GPRIN3: variants seen among roughly 807,000 people sequenced by gnomAD.
GPRIN3 encodes G protein-regulated inducer of neurite outgrowth 3.
A neutral mutation model predicts 13.7 loss-of-function variants in GPRIN3; 12 were observed. That is an observed-to-expected ratio of 0.87 (90% confidence interval 0.56 to 1.42). The LOEUF (loss-of-function observed/expected upper bound fraction) is 1.42, where lower values mean the gene tolerates loss of function less well. Ranked by LOEUF, GPRIN3 falls within the 40% of genes most tolerant of loss-of-function variation. The pLI is 0.00. For missense variants in GPRIN3, 1,009 were observed against 958.7 expected (o/e 1.05, Z -0.69); for synonymous variants, 377 against 372.7 (o/e 1.01, Z -0.13).
At chr4:89,292,908 A>G (rs771562309) in intron 1 of GPRIN3, among the ~76,000 whole-genome samples, 3 of 152,222 alleles carry the variant, frequency 2.0e-5, no homozygotes, top group Non-Finnish European at 4.4e-5. Context: ...TAAGTTTGTC[A>G]CTACATCAAC....
In GPRIN3 at chr4:89,249,029, A is replaced by G; in HGVS notation, c.1082T>C (p.Ile361Thr). The change falls in exon 2 of 2, where the codon ATT becomes ACT. Residue 361 changes from isoleucine to threonine, a missense_variant. Coordinates refer to ENST00000609438, the MANE Select transcript of GPRIN3 (RefSeq NM_198281.3). ...TGTGTGGCTCCCACTGCTGTGGCAA[A>G]TGACACGCAGCTGCTCTTGTTCAAA... ...EHFEQEQLRV[I>T]CHSSGSHTLE... The G allele has an allele frequency of 6.2e-7, 1 of 1,614,148 alleles. No individual in the cohort carries two copies. The highest frequency in any genetic ancestry group is 8.5e-7 in the Non-Finnish European group (1 of 1,180,006).
intron 1 of GPRIN3, among the ~76,000 whole-genome samples, chr4:89,291,778 T>C (rs1724577421): frequency 6.6e-6 from 1 of 151,568 alleles, no homozygotes; most frequent in Non-Finnish European, 1.5e-5. Flanking sequence ...ACTAGTAACA[T>C]AGTAGCGTTC....
intron 1 of GPRIN3, among the ~76,000 whole-genome samples, chr4:89,284,573 A>G (rs1246905400): frequency 6.6e-6 from 1 of 152,172 alleles, no homozygotes; most frequent in Non-Finnish European, 1.5e-5. Flanking sequence ...AATATTAGTG[A>G]TTATGGTAGT....
In GPRIN3 at chr4:89,245,384, G is replaced by A. The variant is rs558821865; in HGVS notation, c.*2396C>T. ...AACAAATTTTCTTAAAGTTTTGATA[G>A]ACATAACCACAATAGCAAATCTAGC... On this transcript the variant is annotated 3_prime_UTR_variant, in exon 2 of 2. Transcript: ENST00000609438. 1 of 152,308 alleles carries A rather than the reference G, an allele frequency of 6.6e-6. No individual in the cohort carries two copies. Among genetic ancestry groups the A allele is most frequent in the East Asian group, 1.9e-4 (1 of 5,188 alleles). The allele number at this position is 152,308 out of a possible 1,614,324, so 9.4% of individuals were successfully genotyped here.
At chr4:89,291,475 C>T (rs925318586) in intron 1 of GPRIN3, among the ~76,000 whole-genome samples, 16 of 152,178 alleles carry the variant, frequency 1.1e-4, no homozygotes, top group Admixed American at 2.0e-4. Flanking sequence ...ATGTACTTGA[C>T]GTTCATCCCT....
In GPRIN3 at chr4:89,281,063, G is replaced by GT. The variant is rs200221939; in HGVS notation, c.-124+26551_-124+26552insA. The stretch of plus-strand genomic sequence containing the variant: ...CAGTCATGTTGGAAGGTGAAGGGGG[G>GT]GGATAAGCACATCACATAGCCAGAG... On this transcript the variant is annotated intron_variant, in intron 1 of 1. Transcript: ENST00000609438. 6.0e-3 allele frequency among the ~76,000 whole-genome samples: 906 copies of GT among 152,060 alleles called. 9 individuals are homozygous for GT. Among genetic ancestry groups the GT allele is most frequent in the African/African-American group, 0.021 (851 of 41,450 alleles).
In GPRIN3 at chr4:89,250,133, C is replaced by T. The variant is rs1402640533; in HGVS notation, c.-23G>A. Reference sequence around the variant, plus strand: ...CATGGAATTTCTCTTCAGGAGCACTCCAGAGCTCTCTTGAGTACTGGTCCC... The same window carrying T: ...CATGGAATTTCTCTTCAGGAGCACTTCAGAGCTCTCTTGAGTACTGGTCCC... On this transcript the variant is annotated 5_prime_UTR_variant, in exon 2 of 2. Transcript: ENST00000609438. 9 of 1,596,714 alleles carry T rather than the reference C, an allele frequency of 5.6e-6. No individual in the cohort carries two copies. The highest frequency in any genetic ancestry group is 7.7e-6 in the Non-Finnish European group (9 of 1,171,070).
At chr4:89,287,770 A>G (rs988234468) in intron 1 of GPRIN3, among the ~76,000 whole-genome samples, 2 of 152,226 alleles carry the variant, frequency 1.3e-5, no homozygotes, top group Non-Finnish European at 2.9e-5. Flanking sequence ...CACTAAATAA[A>G]ATGTGGAATG....
chr4:89,272,066 C>T (rs1395050332), intron 1 of GPRIN3, among the ~76,000 whole-genome samples: 1 of 152,020 alleles, frequency 6.6e-6, no homozygotes, highest in Non-Finnish European at 1.5e-5. Context: ...GAGACACTGA[C>T]TGCCGGAACC....
chr4:89,251,128 T>G (rs1723314474), intron 1 of GPRIN3: 1 of 152,082 alleles, frequency 6.6e-6, no homozygotes, highest in Non-Finnish European at 1.5e-5. Context: ...GGAGATCAAA[T>G]AATCCATTGA....
chr4:89,292,469 A>G (rs969740267), intron 1 of GPRIN3, among the ~76,000 whole-genome samples: 1 of 152,234 alleles, frequency 6.6e-6, no homozygotes, highest in East Asian at 1.9e-4. Context: ...TAGATCACAT[A>G]TATTTCAATG....
In GPRIN3 at chr4:89,236,893, A is replaced by T. The variant is rs1282082499; in HGVS notation, c.*10887T>A. The T allele has an allele frequency of 6.6e-6, 1 of 152,232 alleles. No homozygotes were observed. The highest frequency in any genetic ancestry group is 1.5e-5 in the Non-Finnish European group (1 of 68,040). The allele number at this position is 152,232 out of a possible 1,614,324, so 9.4% of individuals were successfully genotyped here. On this transcript the variant is annotated 3_prime_UTR_variant, in exon 2 of 2. Transcript: ENST00000609438. ...GTGCCCAGCAAAACGTCTGGCACAAAGGCATTATTTTTTGTTTTGGCTTTG... is the reference window on the plus strand; with the variant it reads ...GTGCCCAGCAAAACGTCTGGCACAATGGCATTATTTTTTGTTTTGGCTTTG...
intron 1 of GPRIN3, among the ~76,000 whole-genome samples, chr4:89,252,583 C>A (rs749587554): frequency 2.0e-5 from 3 of 152,156 alleles, no homozygotes; most frequent in African/African-American, 4.8e-5. Context: ...TCCGGTTGGA[C>A]CTAGATTTTG....
chr4:89,263,405 G>A (rs1337609614), intron 1 of GPRIN3, among the ~76,000 whole-genome samples: 1 of 152,196 alleles, frequency 6.6e-6, no homozygotes, highest in African/African-American at 2.4e-5. Context: ...TGCACTGGCG[G>A]GAATGTGCAC....
chr4:89,293,762 T>C lies in GPRIN3; in HGVS notation c.-124+13853A>G, dbSNP rs72872590. 5.5e-3 allele frequency among the ~76,000 whole-genome samples: 837 copies of C among 152,304 alleles called. 10 individuals are homozygous for C. The highest frequency in any genetic ancestry group is 0.019 in the African/African-American group (785 of 41,558). On this transcript the variant is annotated intron_variant, in intron 1 of 1. Coordinates refer to ENST00000609438, the MANE Select transcript of GPRIN3 (RefSeq NM_198281.3). ...ATGATGACTTTAGCTCCATACCAGA[T>C]GTGACGTGAAAGCGACTGCAAAGCT...
At chr4:89,262,545 C>T (rs1378832036) in intron 1 of GPRIN3, among the ~76,000 whole-genome samples, 3 of 152,144 alleles carry the variant, frequency 2.0e-5, no homozygotes, top group Admixed American at 6.6e-5. Flanking sequence ...ATGATGGATT[C>T]GTGCTGGTCT....
chr4:89,274,240 C>T (rs1159581804), intron 1 of GPRIN3, among the ~76,000 whole-genome samples: 5 of 152,034 alleles, frequency 3.3e-5, no homozygotes, highest in African/African-American at 4.8e-5. Flanking sequence ...GTGTTGTTGT[C>T]GAGGTGAAGT....
intron 1 of GPRIN3, among the ~76,000 whole-genome samples, chr4:89,265,226 T>C (rs1723751264): frequency 6.6e-6 from 1 of 152,210 alleles, no homozygotes; most frequent in Non-Finnish European, 1.5e-5. Context: ...CAATTTTCAC[T>C]TAAGATATGG....
At chr4:89,287,653 C>CT (rs1724459848) in intron 1 of GPRIN3, among the ~76,000 whole-genome samples, 1 of 152,222 alleles carries the variant, frequency 6.6e-6, no homozygotes, top group South Asian at 2.1e-4. Flanking sequence ...CAGTTCTAGA[C>CT]ACAAGCCTAT....
Sources: allele counts gnomAD v4.1 joint callset (sites outside exome capture counted in the v4.1 genomes callset), GRCh38; gene constraint gnomAD v4.1.1; transcripts MANE v1.5; gene names NCBI Gene and HGNC (gene_info 2026-07-23, HGNC 2026-07-21).